The following DROSHA variants were observed in gnomAD, a reference collection of about 807,000 sequenced individuals.
DROSHA encodes drosha ribonuclease III.
Under a neutral mutation model 181.9 loss-of-function variants are expected in DROSHA, and 56 were observed. The ratio of observed to expected loss-of-function variants is 0.31; its 90% confidence interval spans 0.25 to 0.38. DROSHA has a LOEUF of 0.38. DROSHA is among the 10% of genes least tolerant of loss of function. DROSHA has a pLI of 1.00. For synonymous variants in DROSHA, 524 were observed against 591.2 expected (o/e 0.89, Z 1.65); for missense variants, 1,218 against 1,743.5 (o/e 0.70, Z 5.37).
At chr5:31,429,603 A>G in intron 26 of DROSHA, 58 bp from the exon 27 acceptor site, 1 of 1,484,678 alleles carries the variant, frequency 6.7e-7, no homozygotes, top group Non-Finnish European at 9.3e-7. Flanking sequence ...AAAGAAAATG[A>G]CATATCTCTA....
At chr5:31,502,729 C>A (rs994782427) in intron 11 of DROSHA, among the ~76,000 whole-genome samples, 2 of 152,190 alleles carry the variant, frequency 1.3e-5, no homozygotes, top group Non-Finnish European at 2.9e-5. Flanking sequence ...GGAAAAAGCC[C>A]AAGCTTGGTT....
intron 18 of DROSHA, 182 bp from the exon 19 acceptor site, chr5:31,466,463 AG>A: frequency 1.8e-6 from 1 of 547,828 alleles, no homozygotes; most frequent in Admixed American, 3.2e-5. Flanking sequence ...AGGATGGACA[AG>A]AGTCAACTGG....
chr5:31,495,191 A>C, intron 12 of DROSHA, 95 bp downstream of exon 12: 3 of 1,323,368 alleles, frequency 2.3e-6, no homozygotes, highest in Non-Finnish European at 3.1e-6. Context: ...TTTCAAAGTA[A>C]GAACATTTGA....
Position 31,508,651 on chromosome 5 carries a change from A to G in DROSHA, c.1557T>C (p.His519=), listed in dbSNP as rs778825509. The part of the protein sequence containing the change: ...KRKKAHPDRL[H]DELWYNDPGQ... ...CTGGATCGTTGTACCAAAGTTCATC[A>G]TGAAGTCGGTCAGGGTGGGCCTTTT... is the stretch of plus-strand genomic sequence containing the variant. Residue 519 remains histidine, a synonymous_variant, in exon 10 of 36, where the codon CAT becomes CAC. Transcript: ENST00000344624. 2.5e-6 allele frequency: 4 copies of G among 1,613,968 alleles called. No individual in the cohort carries two copies. Among genetic ancestry groups the G allele is most frequent in the Non-Finnish European group, 3.4e-6 (4 of 1,179,884 alleles).
At chr5:31,510,051 G>T (rs201845908) in intron 9 of DROSHA, among the ~76,000 whole-genome samples, 3 of 112,710 alleles carry the variant, frequency 2.7e-5, no homozygotes, top group Admixed American at 9.1e-5. Flanking sequence ...ACCACAATTT[G>T]AAAAAAAAAA....
chr5:31,523,326 A>G (rs926999173), intron 5 of DROSHA, among the ~76,000 whole-genome samples: 1 of 152,212 alleles, frequency 6.6e-6, no homozygotes, highest in Non-Finnish European at 1.5e-5. Context: ...AAAGATATAG[A>G]TCCTCATAGT....
At chr5:31,466,642 A>G (rs986214252) in intron 18 of DROSHA, among the ~76,000 whole-genome samples, 6 of 152,146 alleles carry the variant, frequency 3.9e-5, no homozygotes, top group African/African-American at 1.4e-4. Flanking sequence ...TTAAATATAC[A>G]CTTTCTGATA....
chr5:31,484,241 G>C (rs866091174), intron 15 of DROSHA, among the ~76,000 whole-genome samples: 2 of 151,912 alleles, frequency 1.3e-5, no homozygotes, highest in South Asian at 4.1e-4. Flanking sequence ...GGGCGTAGTG[G>C]TGGGCGCCTG....
intron 16 of DROSHA, among the ~76,000 whole-genome samples, chr5:31,477,175 T>C (rs1750473014): frequency 3.3e-5 from 5 of 152,228 alleles, no homozygotes; most frequent in Admixed American, 3.3e-4. Context: ...ACTGACAGAC[T>C]TTATAAACTG....
chr5:31,460,378 A>G (rs1485141515), intron 20 of DROSHA, among the ~76,000 whole-genome samples: 1 of 152,174 alleles, frequency 6.6e-6, no homozygotes, highest in African/African-American at 2.4e-5. Context: ...GGCACCAGGT[A>G]GAATTTTCTA....
chr5:31,523,976 C>CAAAAAAAAAAAAAA (rs10718385), intron 5 of DROSHA, among the ~76,000 whole-genome samples: 1 of 105,076 alleles, frequency 9.5e-6, no homozygotes, highest in African/African-American at 3.8e-5. Context: ...ACTTTGTCTC[C>CAAAAAAAAAAAAAA]AAAAAAAAAA....
intron 26 of DROSHA, among the ~76,000 whole-genome samples, 163 bp from the exon 27 acceptor site, chr5:31,429,708 C>T (rs996542977): frequency 1.3e-5 from 2 of 152,080 alleles, no homozygotes; most frequent in African/African-American, 4.8e-5. Context: ...CCCCTTTTTG[C>T]TATCCTTTGC....
intron 13 of DROSHA, 151 bp downstream of exon 13, chr5:31,493,056 C>G: frequency 1.2e-6 from 1 of 803,898 alleles, no homozygotes; most frequent in African/African-American, 1.8e-5. Context: ...TGATGCACTG[C>G]TGCAGACTTC....
At chr5:31,424,165 A>G (rs1206695904) in intron 28 of DROSHA, among the ~76,000 whole-genome samples, 2 of 152,112 alleles carry the variant, frequency 1.3e-5, no homozygotes, top group African/African-American at 4.8e-5. Flanking sequence ...GGCATCCATA[A>G]CTACACAGTA....
intron 11 of DROSHA, among the ~76,000 whole-genome samples, chr5:31,498,781 C>T (rs1753276799): frequency 2.0e-5 from 3 of 151,782 alleles, no homozygotes; most frequent in African/African-American, 4.8e-5. Context: ...CACTTGAACC[C>T]GGGAGGTGGA....
chr5:31,444,589 T>C (rs1380709712), intron 23 of DROSHA, among the ~76,000 whole-genome samples: 1 of 152,210 alleles, frequency 6.6e-6, no homozygotes, highest in African/African-American at 2.4e-5. Flanking sequence ...GAGACAAAGA[T>C]GATTTAAACC....
chr5:31,500,627 T>G (rs1753486564), intron 11 of DROSHA, among the ~76,000 whole-genome samples: 1 of 152,156 alleles, frequency 6.6e-6, no homozygotes, highest in South Asian at 2.1e-4. Context: ...CCAAAACAAA[T>G]GTGCAGGTGA....
At chr5:31,491,414 G>C (rs960877893) in intron 13 of DROSHA, among the ~76,000 whole-genome samples, 2 of 152,136 alleles carry the variant, frequency 1.3e-5, no homozygotes, top group Non-Finnish European at 2.9e-5. Context: ...TCAAATCACA[G>C]AGCTATCACT....
chr5:31,488,725 C>G (rs1397894138), intron 13 of DROSHA, among the ~76,000 whole-genome samples: 1 of 152,136 alleles, frequency 6.6e-6, no homozygotes, highest in Non-Finnish European at 1.5e-5. Flanking sequence ...AGATGAGACA[C>G]TGTGGAAACA....
Sources: gnomAD v4.1 joint callset for allele counts (sites outside exome capture counted in the v4.1 genomes callset) on GRCh38, gnomAD v4.1.1 for gene constraint, MANE v1.5 for transcripts, NCBI Gene and HGNC (gene_info 2026-07-23, HGNC 2026-07-21) for gene names.